Variants in ZNF845 observed in about 807,000 individuals in gnomAD.
The protein encoded by ZNF845 is zinc finger protein 845.
ZNF845 carries 59 observed loss-of-function variants against 76.1 expected under a neutral mutation model. The observed-to-expected ratio is 0.78, with a 90% CI of 0.63 to 0.96. The LOEUF (loss-of-function observed/expected upper bound fraction) is 0.96. Among genes scored for constraint, ZNF845 ranks in the 40% least tolerant of loss-of-function variants. ZNF845 has a pLI of 0.00. For synonymous variants in ZNF845, 361 were observed against 386.9 expected, an observed-to-expected ratio of 0.93 and a Z score of 0.78; for missense variants, 1,045 against 1,172.8, an observed-to-expected ratio of 0.89 and a Z score of 1.59.
chr19:53,352,593 T>G lies in ZNF845; in HGVS notation c.1918T>G (p.Cys640Gly). ...AGAGAAACCTTACAAATGTGAAGAA[T>G]GTGATGAAGCTTTCAGTTTCAAATC... ...SGEKPYKCEE[C>G]DEAFSFKSNL... is the part of the protein sequence containing the mutation. The change falls in exon 4 of 4, where the codon TGT (cysteine) becomes GGT (glycine). Residue 640 changes from cysteine to glycine, a missense_variant. Transcript: ENST00000458035. 6.2e-7 allele frequency: 1 copy of G among 1,613,170 alleles called. No individual in the cohort carries two copies. Among genetic ancestry groups the G allele is most frequent in the Non-Finnish European group, 8.5e-7 (1 of 1,179,546 alleles).
In ZNF845 at chr19:53,355,104, G is replaced by C. The variant is rs1418478830; in HGVS notation, c.*1516G>C. The C allele has an allele frequency of 2.0e-5, 3 of 151,966 alleles. No homozygotes were observed. Among genetic ancestry groups the C allele is most frequent in the Non-Finnish European group, 4.4e-5 (3 of 68,004 alleles). 9.4% of individuals were successfully genotyped at this position (151,966 alleles called of 1,614,324 possible). On this transcript the variant is annotated 3_prime_UTR_variant, in exon 4 of 4. Transcript: ENST00000458035. Reference sequence around the variant, plus strand: ...TTTTTGTATTTTTAGTAGAGACGGGGTTTCACCATGTTGACCAGGTTTTTC... The same window carrying C: ...TTTTTGTATTTTTAGTAGAGACGGGCTTTCACCATGTTGACCAGGTTTTTC...
At chr19:53,349,851 A>G (rs902597952) in intron 3 of ZNF845, among the ~76,000 whole-genome samples, 39 of 152,038 alleles carry the variant, frequency 2.6e-4, no homozygotes, top group African/African-American at 8.5e-4. Flanking sequence ...CCTGTCCAAC[A>G]TGGTGAAACC....
chr19:53,339,689 T>A (rs1033138309), intron 1 of ZNF845, among the ~76,000 whole-genome samples: 2 of 152,112 alleles, frequency 1.3e-5, no homozygotes, highest in African/African-American at 4.8e-5. Context: ...AGAGTTGAGG[T>A]CAACCAGGAC....
chr19:53,338,148 G>C (rs536695245), intron 1 of ZNF845, among the ~76,000 whole-genome samples: 9 of 152,292 alleles, frequency 5.9e-5, no homozygotes, highest in African/African-American at 1.2e-4. Flanking sequence ...GGAAGACTCA[G>C]GGCCTGGGGC....
chr19:53,339,240 A>G (rs1391694258), intron 1 of ZNF845, among the ~76,000 whole-genome samples: 1 of 152,158 alleles, frequency 6.6e-6, no homozygotes, highest in East Asian at 1.9e-4. Context: ...TGGAGGAAGG[A>G]AAAGCTGTAT....
chr19:53,352,276 G>T lies in ZNF845; in HGVS notation c.1601G>T (p.Arg534Leu). ...KCNECGKTFS[R>L]KSSLTRHCRL... ...AATGAATGTGGCAAGACCTTTAGTC[G>T]GAAGTCATCCCTTACACGCCATTGT... Residue 534 changes from arginine to leucine, a missense_variant, in exon 4 of 4, where the codon CGG becomes CTG. By Grantham distance (102) the Arg-to-Leu change is moderately radical. Transcript: ENST00000458035. 1 of 1,613,226 alleles carries T rather than the reference G, an allele frequency of 6.2e-7. No individual in the cohort carries two copies. Among genetic ancestry groups the T allele is most frequent in the Non-Finnish European group, 8.5e-7 (1 of 1,179,714 alleles).
intron 3 of ZNF845, chr19:53,346,327 G>T (rs773276287): frequency 9.6e-6 from 4 of 415,458 alleles, no homozygotes; most frequent in South Asian, 6.7e-5. Flanking sequence ...GTCTCACTCT[G>T]TCGCCAAGGC....
At position 53,352,277 on chromosome 19, in the gene ZNF845, G is replaced by T. The variant is rs373231974; in HGVS notation, c.1602G>T (p.Arg534=). Residue 534 remains arginine (R), a synonymous_variant, in exon 4 of 4, where the codon CGG becomes CGT. Coordinates refer to ENST00000458035, the MANE Select transcript of ZNF845 (RefSeq NM_138374.3). ...ATGAATGTGGCAAGACCTTTAGTCG[G>T]AAGTCATCCCTTACACGCCATTGTA... ...KCNECGKTFS[R]KSSLTRHCRL... 1 of 1,613,868 alleles carries T rather than the reference G, an allele frequency of 6.2e-7. No individual in the cohort carries two copies. Among genetic ancestry groups the T allele is most frequent in the Non-Finnish European group, 8.5e-7 (1 of 1,179,896 alleles).
At chr19:53,345,269 T>C (rs1204400154) in intron 2 of ZNF845, among the ~76,000 whole-genome samples, 2 of 151,942 alleles carry the variant, frequency 1.3e-5, no homozygotes, top group Non-Finnish European at 2.9e-5. Context: ...TGAGCCGATA[T>C]CGTGCCACTG....
At chr19:53,346,366 C>A (rs753202259) in intron 3 of ZNF845, 2 of 308,946 alleles carry the variant, frequency 6.5e-6, no homozygotes, top group Non-Finnish European at 1.2e-5. Flanking sequence ...CTTGGCTCAC[C>A]GCAGCCGGCT....
chr19:53,345,543 C>T lies in ZNF845; in HGVS notation c.53C>T (p.Ser18Phe), dbSNP rs757383543. Residue 18 changes from serine (S) to phenylalanine (F), a missense_variant, in exon 3 of 4, where the codon TCT (serine) becomes TTT (phenylalanine). Transcript: ENST00000458035. ...TTCAGGGATGTGGCCATAGAATTCTCTCAGGAAGAGTGGAAGTGCCTGGAC... is the reference window on the plus strand; with the variant it reads ...TTCAGGGATGTGGCCATAGAATTCTTTCAGGAAGAGTGGAAGTGCCTGGAC... ...LTFRDVAIEF[S>F]QEEWKCLDPA... The T allele has an allele frequency of 8.1e-6, 13 of 1,613,364 alleles. No individual in the cohort carries two copies. In the East Asian group the frequency reaches 2.7e-4, roughly 33 times the overall value.
Position 53,355,457 on chromosome 19 carries a change from T to TGGCCCAGATG in ZNF845, c.*1871_*1880dup, listed in dbSNP as rs1246563981. 1 of 151,848 alleles carries TGGCCCAGATG rather than the reference T, an allele frequency of 6.6e-6. No individual in the cohort carries two copies. Among genetic ancestry groups the TGGCCCAGATG allele is most frequent in the Admixed American group, 6.6e-5 (1 of 15,254 alleles). 9.4% of individuals were successfully genotyped at this position (151,848 alleles called of 1,614,324 possible). A position where few individuals can be genotyped will look rare whatever the true frequency, so the allele number is the denominator to read the frequency against. The stretch of plus-strand genomic sequence containing the variant: ...TAGTAAAGACGGGGTTTCACCATGT[T>TGGCCCAGATG]GGCCCAGATGGTGGGCCAACATGGT... On this transcript the variant is annotated 3_prime_UTR_variant, in exon 4 of 4. Coordinates refer to ENST00000458035, the MANE Select transcript of ZNF845 (RefSeq NM_138374.3).
At chr19:53,348,023 C>G in intron 3 of ZNF845, among the ~76,000 whole-genome samples, 1 of 152,138 alleles carries the variant, frequency 6.6e-6, no homozygotes, top group Non-Finnish European at 1.5e-5. Context: ...AATCCCGTCT[C>G]CACTAAAAAT....
rs762709434 is a variant in ZNF845 at position 53,353,497 on chromosome 19, AACCTT to A, written c.2825_2829del (p.Pro942GlnfsTer3). ...CATAAGACAATTCATACTGGAGAGA[AACCTT>A]ACAAGTGTAATGAATGTGGCAAGGT... On this transcript the variant is annotated frameshift_variant, in exon 4 of 4. Transcript: ENST00000458035. LOFTEE classifies it high-confidence loss of function. The A allele has an allele frequency of 8.6e-5, 139 of 1,613,866 alleles. No homozygotes were observed. Among genetic ancestry groups the A allele is most frequent in the Non-Finnish European group, 1.1e-4 (135 of 1,179,842 alleles).
intron 1 of ZNF845, among the ~76,000 whole-genome samples, chr19:53,336,427 A>C (rs756047310): frequency 1.3e-5 from 2 of 151,996 alleles, no homozygotes; most frequent in Non-Finnish European, 2.9e-5. Context: ...TGAGAATCAC[A>C]TGAACTTGGG....
At chr19:53,334,100 C>A (rs1231482072) in intron 1 of ZNF845, among the ~76,000 whole-genome samples, 2 of 152,224 alleles carry the variant, frequency 1.3e-5, no homozygotes, top group Non-Finnish European at 2.9e-5. Context: ...TACCGCGAGG[C>A]GGATTCCCGC....
Position 53,352,848 on chromosome 19 carries a change from G to A in ZNF845, c.2173G>A (p.Gly725Ser), listed in dbSNP as rs1186266396. The change falls in exon 4 of 4, where the codon GGC (glycine) becomes AGC (serine). Residue 725 changes from glycine to serine, a missense_variant. By Grantham distance (56) the Gly-to-Ser change is moderately conservative. Transcript: ENST00000458035. ...GAAACCTTACAAGTGTAATGAGTGTGGCAAGGCCTTCAGTCAGAAGTCATC... is the reference window on the plus strand; with the variant it reads ...GAAACCTTACAAGTGTAATGAGTGTAGCAAGGCCTTCAGTCAGAAGTCATC... ...GEKPYKCNEC[G>S]KAFSQKSSLT... 2 of 1,613,974 alleles carry A rather than the reference G, an allele frequency of 1.2e-6. No homozygotes were observed. The highest frequency in any genetic ancestry group is 1.7e-5 in the Admixed American group (1 of 59,996).
Position 53,341,275 on chromosome 19 carries a change from C to CGGAAGA in ZNF845, c.-22_-17dup, listed in dbSNP as rs1568734858. ...ACTCTTGGTACGTGAGGAAGAAACC[C>CGGAAGA]GGAAGAGGAAGAGGAAAGCAAAGGA... On this transcript the variant is annotated 5_prime_UTR_variant, in exon 2 of 4. Coordinates refer to ENST00000458035, the MANE Select transcript of ZNF845 (RefSeq NM_138374.3). The CGGAAGA allele has an allele frequency of 6.2e-7, 1 of 1,613,366 alleles. No homozygotes were observed.
chr19:53,345,131 T>C (rs539111684), intron 2 of ZNF845, among the ~76,000 whole-genome samples: 76 of 151,904 alleles, frequency 5.0e-4, no homozygotes, highest in African/African-American at 1.7e-3. Flanking sequence ...GCCTGACCAA[T>C]ATGGTGAAAC....
Sources: gnomAD v4.1 joint callset for allele counts (sites outside exome capture counted in the v4.1 genomes callset) on GRCh38, gnomAD v4.1.1 for gene constraint, MANE v1.5 for transcripts, NCBI Gene and HGNC (gene_info 2026-07-23, HGNC 2026-07-21) for gene names.